LRP12: variants seen among roughly 807,000 people sequenced by gnomAD.
LRP12 encodes low-density lipoprotein receptor-related protein 12.
In LRP12, 14 loss-of-function variants were observed where a neutral mutation model predicts 66.0. The observed-to-expected ratio is 0.21, with a 90% CI of 0.14 to 0.33. LRP12 has a LOEUF of 0.33. Among genes scored for constraint, LRP12 ranks in the 10% least tolerant of loss-of-function variants. The pLI, the probability that LRP12 is intolerant of heterozygous loss-of-function variation, is 1.00. For missense variants in LRP12, 889 were observed against 1,053.4 expected (o/e 0.84, Z 2.16); for synonymous variants, 357 against 359.1 (o/e 0.99, Z 0.07).
chr8:104,532,515 A>G (rs1811339631), intron 1 of LRP12, among the ~76,000 whole-genome samples: 2 of 152,068 alleles, frequency 1.3e-5, no homozygotes, highest in African/African-American at 4.8e-5. Flanking sequence ...CTCTTCAGAT[A>G]TTTGTCTTAA....
At chr8:104,499,061 G>A in intron 4 of LRP12, among the ~76,000 whole-genome samples, 1 of 152,174 alleles carries the variant, frequency 6.6e-6, no homozygotes. Flanking sequence ...GCTATTCTTA[G>A]AATAAATGTA....
intron 1 of LRP12, among the ~76,000 whole-genome samples, chr8:104,544,503 T>C (rs1461451929): frequency 6.6e-6 from 1 of 152,214 alleles, no homozygotes; most frequent in African/African-American, 2.4e-5. Context: ...TATCAATGCC[T>C]GGCTTCAAAG....
At chr8:104,543,484 A>G (rs1054535270) in intron 1 of LRP12, among the ~76,000 whole-genome samples, 1 of 152,144 alleles carries the variant, frequency 6.6e-6, no homozygotes, top group Non-Finnish European at 1.5e-5. Context: ...TGATTGTTCC[A>G]TCAACAAGCT....
At chr8:104,518,531 T>C (rs1362725936) in intron 2 of LRP12, among the ~76,000 whole-genome samples, 4 of 152,138 alleles carry the variant, frequency 2.6e-5, no homozygotes, top group Admixed American at 2.0e-4. Flanking sequence ...ATGACAAAAG[T>C]GGTCTATTCT....
At chr8:104,523,156 A>G (rs1181602237) in intron 2 of LRP12, among the ~76,000 whole-genome samples, 8 of 152,196 alleles carry the variant, frequency 5.3e-5, no homozygotes, top group African/African-American at 1.9e-4. Flanking sequence ...AAGTCCACTT[A>G]TACATGGATT....
intron 1 of LRP12, among the ~76,000 whole-genome samples, chr8:104,560,323 G>A (rs191362362): frequency 6.6e-6 from 1 of 152,108 alleles, no homozygotes. Flanking sequence ...AAGACCAGAA[G>A]ATACAGATCC....
chr8:104,492,951 G>C lies in LRP12; in HGVS notation c.1714-1412C>G, dbSNP rs796698574. ...TGCAAGTTTTAAGGCTTCATGTTGA[G>C]CACTATGCTATTATGTCCAGCAATG... On this transcript the variant is annotated intron_variant, in intron 6 of 6. Transcript: ENST00000276654. Among the ~76,000 whole-genome samples the C allele has an allele frequency of 2.2e-4, 34 of 152,254 alleles. No individual in the cohort carries two copies. In the Middle Eastern group the frequency reaches 0.01, roughly 46 times the overall value.
At chr8:104,562,061 G>A (rs1001692835) in intron 1 of LRP12, among the ~76,000 whole-genome samples, 5 of 152,160 alleles carry the variant, frequency 3.3e-5, no homozygotes, top group Non-Finnish European at 7.3e-5. Context: ...GAGCAGAAGC[G>A]TAAAGTAGTA....
chr8:104,541,281 T>A (rs1034286927), intron 1 of LRP12, among the ~76,000 whole-genome samples: 1 of 152,266 alleles, frequency 6.6e-6, no homozygotes, highest in Middle Eastern at 3.4e-3. Flanking sequence ...TCTCAGTGAG[T>A]GTTCACACAG....
intron 1 of LRP12, among the ~76,000 whole-genome samples, chr8:104,541,118 T>C (rs1437638149): frequency 6.6e-6 from 1 of 152,192 alleles, no homozygotes; most frequent in Non-Finnish European, 1.5e-5. Context: ...GATTTTATGT[T>C]TGAAATGTCT....
At chr8:104,532,001 T>G (rs1811331111) in intron 1 of LRP12, 38 bp from the exon 2 acceptor site, 272 of 1,402,764 alleles carry the variant, frequency 1.9e-4, no homozygotes, top group Non-Finnish European at 2.4e-4. Flanking sequence ...ATATCCAAGA[T>G]AAAATTACAA....
chr8:104,491,301 T>C lies in LRP12; in HGVS notation c.1952A>G (p.Glu651Gly), dbSNP rs1235383913. Residue 651 changes from glutamate to glycine, a missense_variant, in exon 7 of 7, where the codon GAG (glutamate) becomes GGG (glycine). Coordinates refer to ENST00000276654, the MANE Select transcript of LRP12 (RefSeq NM_013437.5). The stretch of plus-strand genomic sequence containing the variant: ...ATTTTCTGTGTCTGTATCATCAGAC[T>C]CCACGGAAAACAAACTTCTGTGAGT... ...NHTHRSLFSV[E>G]SDDTDTENER... The C allele has an allele frequency of 1.2e-6, 2 of 1,614,162 alleles. No individual in the cohort carries two copies. The highest frequency in any genetic ancestry group is 1.1e-5 in the South Asian group (1 of 91,074).
At chr8:104,531,274 G>T (rs1473497693) in intron 2 of LRP12, among the ~76,000 whole-genome samples, 1 of 152,086 alleles carries the variant, frequency 6.6e-6, no homozygotes, top group Non-Finnish European at 1.5e-5. Context: ...AACTGTGGTT[G>T]ACAGCAAAAA....
At chr8:104,533,894 G>A (rs2140864378) in intron 1 of LRP12, among the ~76,000 whole-genome samples, 1 of 152,050 alleles carries the variant, frequency 6.6e-6, no homozygotes, top group African/African-American at 2.4e-5. Flanking sequence ...CCAGCATAAT[G>A]TAATATTGAA....
rs1221257607 is a variant in LRP12 at position 104,548,174 on chromosome 8, A to ATTAATATACATTATAT, written c.80-16212_80-16211insATATAATGTATATTAA. On this transcript the variant is annotated intron_variant, in intron 1 of 6. Coordinates refer to ENST00000276654, the MANE Select transcript of LRP12 (RefSeq NM_013437.5). ...TATATTAATAATTATTATATATAATATAATATATAATATATATATAAATAT... is the reference window on the plus strand; with the variant it reads ...TATATTAATAATTATTATATATAATATTAATATACATTATATTAATATATAATATATATATAAATAT... Among the ~76,000 whole-genome samples the ATTAATATACATTATAT allele has an allele frequency of 8.4e-4, 83 of 99,128 alleles. 2 individuals are homozygous for ATTAATATACATTATAT. The highest frequency in any genetic ancestry group is 3.5e-3 in the African/African-American group (76 of 21,444). The allele number at this position is 99,128 out of a possible 152,430, so 65.0% of individuals were successfully genotyped here.
intron 1 of LRP12, among the ~76,000 whole-genome samples, chr8:104,546,007 T>A (rs538688389): frequency 1.3e-5 from 2 of 152,326 alleles, no homozygotes; most frequent in East Asian, 3.9e-4. Flanking sequence ...ATAAATCCAG[T>A]ACATGGTTTG....
chr8:104,577,694 T>C (rs113220930), intron 1 of LRP12, among the ~76,000 whole-genome samples: 10,804 of 150,818 alleles, frequency 0.072, 1,084 homozygotes, highest in African/African-American at 0.23. Flanking sequence ...ACCTGTAGTC[T>C]CAGCTACTCG....
At chr8:104,515,016 G>A (rs1349042198) in intron 2 of LRP12, among the ~76,000 whole-genome samples, 3 of 152,096 alleles carry the variant, frequency 2.0e-5, no homozygotes, top group Non-Finnish European at 4.4e-5. Flanking sequence ...TTATGCACTC[G>A]AAAGAATGAG....
chr8:104,518,845 T>C (rs1381267897), intron 2 of LRP12, among the ~76,000 whole-genome samples: 2 of 151,844 alleles, frequency 1.3e-5, no homozygotes, highest in South Asian at 4.2e-4. Flanking sequence ...GGGGATGAAG[T>C]GGAGGCTGAG....
Sources: gnomAD v4.1 joint callset for allele counts (sites outside exome capture counted in the v4.1 genomes callset) on GRCh38, gnomAD v4.1.1 for gene constraint, MANE v1.5 for transcripts, NCBI Gene and HGNC (gene_info 2026-07-23, HGNC 2026-07-21) for gene names.